Variants in WDFY2 observed in about 807,000 individuals in gnomAD.
WDFY2 encodes the protein WD repeat and FYVE domain containing 2.
A neutral mutation model predicts 56.4 loss-of-function variants in WDFY2; 36 were observed. The observed-to-expected ratio is 0.64, with a 90% CI of 0.49 to 0.84. WDFY2 has a LOEUF of 0.84. WDFY2 is among the 40% of genes least tolerant of loss of function. WDFY2 has a pLI of 0.00. For synonymous variants in WDFY2, 176 were observed against 183.7 expected (o/e 0.96, Z 0.34); for missense variants, 444 against 512.2 (o/e 0.87, Z 1.29).
At chr13:51,608,758 T>G (rs1267199649) in intron 1 of WDFY2, among the ~76,000 whole-genome samples, 1 of 152,230 alleles carries the variant, frequency 6.6e-6, no homozygotes. Context: ...GATATGCATA[T>G]TTTGTTCTTC....
intron 11 of WDFY2, among the ~76,000 whole-genome samples, chr13:51,758,578 C>T (rs1465704036): frequency 6.7e-6 from 1 of 149,534 alleles, no homozygotes; most frequent in Non-Finnish European, 1.5e-5. Context: ...AAAAAGTTAC[C>T]ATTGAAGGTG....
chr13:51,662,116 G>A lies in WDFY2; in HGVS notation c.205+1453G>A, dbSNP rs577454406. 9.2e-5 allele frequency among the ~76,000 whole-genome samples: 14 copies of A among 152,002 alleles called. No homozygotes were observed. In the South Asian group the frequency reaches 1.9e-3, roughly 20 times the overall value. On this transcript the variant is annotated intron_variant, in intron 2 of 11. Transcript: ENST00000298125. ...CTCCCGAGTAGCTGAGACTACAGGC[G>A]CATGCCACCACACCCAGCTAATTTT...
intron 1 of WDFY2, among the ~76,000 whole-genome samples, chr13:51,606,155 G>T (rs917566429): frequency 4.6e-5 from 7 of 152,160 alleles, no homozygotes; most frequent in African/African-American, 1.4e-4. Context: ...AGGATTAAAG[G>T]ACAAGTTATA....
At chr13:51,675,901 A>G (rs1955878452) in intron 3 of WDFY2, among the ~76,000 whole-genome samples, 1 of 152,240 alleles carries the variant, frequency 6.6e-6, no homozygotes, top group African/African-American at 2.4e-5. Context: ...CTAAGTTTCA[A>G]CTAGTATATT....
At chr13:51,724,744 G>T (rs1367250149) in intron 5 of WDFY2, among the ~76,000 whole-genome samples, 1 of 152,120 alleles carries the variant, frequency 6.6e-6, no homozygotes, top group Admixed American at 6.5e-5. Flanking sequence ...CATAGTTTAG[G>T]GTTCACTCTT....
At chr13:51,584,968 C>G (rs1953908372) in intron 1 of WDFY2, 144 bp downstream of exon 1, 2 of 1,197,780 alleles carry the variant, frequency 1.7e-6, no homozygotes, top group Middle Eastern at 2.9e-4. Context: ...CTGGTGGTGC[C>G]GGTGTTCAGC....
At chr13:51,694,839 C>T (rs1343362599) in intron 3 of WDFY2, among the ~76,000 whole-genome samples, 2 of 152,206 alleles carry the variant, frequency 1.3e-5, no homozygotes, top group Non-Finnish European at 2.9e-5. Context: ...TAGATTTGGT[C>T]TTTTCACATA....
intron 1 of WDFY2, among the ~76,000 whole-genome samples, chr13:51,628,305 A>G (rs1190454830): frequency 1.3e-5 from 2 of 152,204 alleles, no homozygotes; most frequent in Non-Finnish European, 2.9e-5. Flanking sequence ...GTGCTGCCCC[A>G]TGTGCATGCA....
At chr13:51,634,279 G>A (rs377442655) in intron 1 of WDFY2, among the ~76,000 whole-genome samples, 15 of 149,684 alleles carry the variant, frequency 1.0e-4, no homozygotes, top group Middle Eastern at 3.4e-3. Context: ...TTTTTTTTCA[G>A]AAGTAGTGGA....
intron 1 of WDFY2, among the ~76,000 whole-genome samples, chr13:51,648,761 A>G (rs1955310160): frequency 1.3e-5 from 2 of 152,334 alleles, no homozygotes; most frequent in South Asian, 4.1e-4. Flanking sequence ...ATTTTGTTTT[A>G]GGTCTACAGA....
chr13:51,654,307 C>T (rs779243647), intron 1 of WDFY2, among the ~76,000 whole-genome samples: 1 of 152,186 alleles, frequency 6.6e-6, no homozygotes, highest in Non-Finnish European at 1.5e-5. Flanking sequence ...TCTTTCACCC[C>T]TTTCCTTGGC....
intron 2 of WDFY2, among the ~76,000 whole-genome samples, chr13:51,663,502 G>A (rs1391120050): frequency 1.3e-5 from 2 of 152,076 alleles, no homozygotes; most frequent in African/African-American, 4.8e-5. Context: ...GAAAAAGAAA[G>A]TTATCTTCAT....
chr13:51,625,736 A>G (rs1954825438), intron 1 of WDFY2, among the ~76,000 whole-genome samples: 2 of 152,246 alleles, frequency 1.3e-5, no homozygotes, highest in Non-Finnish European at 2.9e-5. Flanking sequence ...AATTCAGCCA[A>G]GATTTAACCA....
At chr13:51,620,361 G>A (rs1954702505) in intron 1 of WDFY2, among the ~76,000 whole-genome samples, 1 of 151,948 alleles carries the variant, frequency 6.6e-6, no homozygotes, top group Non-Finnish European at 1.5e-5. Context: ...ATCCCTCCCT[G>A]GTGTCCTCTG....
intron 1 of WDFY2, among the ~76,000 whole-genome samples, chr13:51,630,501 C>G (rs1391474502): frequency 6.6e-6 from 1 of 151,216 alleles, no homozygotes; most frequent in Non-Finnish European, 1.5e-5. Context: ...ACCACAGTGC[C>G]CGCAACATTC....
At chr13:51,729,104 T>C (rs1952667012) in intron 6 of WDFY2, among the ~76,000 whole-genome samples, 2 of 152,220 alleles carry the variant, frequency 1.3e-5, no homozygotes, top group Non-Finnish European at 2.9e-5. Flanking sequence ...TTCTCAGTTC[T>C]GTGAATGTAA....
chr13:51,637,631 G>T (rs947712826), intron 1 of WDFY2, among the ~76,000 whole-genome samples: 2 of 152,096 alleles, frequency 1.3e-5, no homozygotes, highest in Non-Finnish European at 2.9e-5. Flanking sequence ...CAAAGCAAAA[G>T]CAAGTTTATT....
At chr13:51,595,117 G>C (rs1593852388) in intron 1 of WDFY2, among the ~76,000 whole-genome samples, 1 of 152,044 alleles carries the variant, frequency 6.6e-6, no homozygotes, top group Non-Finnish European at 1.5e-5. Context: ...GGTGTGTAGT[G>C]GGTGGGTGCT....
intron 5 of WDFY2, among the ~76,000 whole-genome samples, chr13:51,722,546 G>T (rs1952514134): frequency 6.6e-6 from 1 of 152,134 alleles, no homozygotes; most frequent in Non-Finnish European, 1.5e-5. Context: ...CCCTGAAAAT[G>T]TCTTAGATTT....
Sources: gnomAD v4.1 joint callset for allele counts (sites outside exome capture counted in the v4.1 genomes callset) on GRCh38, gnomAD v4.1.1 for gene constraint, MANE v1.5 for transcripts, NCBI Gene and HGNC (gene_info 2026-07-23, HGNC 2026-07-21) for gene names.